LRRK2: variants seen among roughly 807,000 people sequenced by gnomAD.
The protein encoded by LRRK2 is leucine rich repeat kinase 2.
Under a neutral mutation model 302.6 loss-of-function variants are expected in LRRK2, and 203 were observed. The observed-to-expected ratio is 0.67, with a 90% CI of 0.60 to 0.75. LRRK2 has a LOEUF of 0.75. Ranked by LOEUF, LRRK2 falls within the 30% of genes least tolerant of loss-of-function variation. The pLI is 0.00. For synonymous variants in LRRK2, 1,066 were observed against 1,031.9 expected, an observed-to-expected ratio of 1.03 and a Z score of -0.63; for missense variants, 2,830 against 2,951.0, an observed-to-expected ratio of 0.96 and a Z score of 0.95.
chr12:40,320,022 AC>A lies in LRRK2; in HGVS notation c.4865del (p.Pro1622LeufsTer32). ...LTVKVEGCPK[H>X]PKGIISRRDV... ...GTGAAAGTGGAAGGTTGTCCAAAAC[AC>A]CCTAAGGGCATTATTTCGCGTAGAG... On this transcript the variant is annotated frameshift_variant, in exon 34 of 51. Transcript: ENST00000298910. LOFTEE classifies it high-confidence loss of function. The A allele has an allele frequency of 6.2e-7, 1 of 1,610,876 alleles. No homozygotes were observed. The highest frequency in any genetic ancestry group is 8.5e-7 in the Non-Finnish European group (1 of 1,178,300).
At chr12:40,298,799 A>AAT (rs1555185351) in intron 24 of LRRK2, among the ~76,000 whole-genome samples, 2 of 64,804 alleles carry the variant, frequency 3.1e-5, no homozygotes, top group African/African-American at 5.2e-5. Context: ...ATATATATAT[A>AAT]ATATATGTAT....
At position 40,356,152 on chromosome 12, in the gene LRRK2, G is replaced by T; in HGVS notation, c.6808G>T (p.Gly2270Cys). ...TTTTCTTTTGGTTGGAACCGCTGAT[G>T]GCAAGTTAGCAATTTTTGAAGATAA... The part of the protein sequence containing the change: ...KNFLLVGTAD[G>C]KLAIFEDKTV... Residue 2270 changes from glycine (G) to cysteine (C), a missense_variant, in exon 46 of 51, where the codon GGC becomes TGC. Coordinates refer to ENST00000298910, the MANE Select transcript of LRRK2 (RefSeq NM_198578.4). The T allele has an allele frequency of 6.2e-7, 1 of 1,612,312 alleles. No homozygotes were observed. Among genetic ancestry groups the T allele is most frequent in the South Asian group, 1.1e-5 (1 of 90,674 alleles).
At chr12:40,313,632 TAA>T (rs1229252139) in intron 31 of LRRK2, among the ~76,000 whole-genome samples, 2 of 152,184 alleles carry the variant, frequency 1.3e-5, no homozygotes, top group South Asian at 2.1e-4. Context: ...TGTTTCACAT[TAA>T]GTTTAATGTC....
intron 12 of LRRK2, among the ~76,000 whole-genome samples, 180 bp from the exon 13 acceptor site, chr12:40,259,300 A>T (rs1942665859): frequency 6.6e-6 from 1 of 152,194 alleles, no homozygotes; most frequent in African/African-American, 2.4e-5. Flanking sequence ...CTATCTTATG[A>T]GTTCAAAGTT....
At chr12:40,337,199 T>G (rs1274452440) in intron 40 of LRRK2, among the ~76,000 whole-genome samples, 1 of 152,194 alleles carries the variant, frequency 6.6e-6, no homozygotes, top group African/African-American at 2.4e-5. Context: ...CCAAGTATGT[T>G]TCAGCACAGG....
At chr12:40,334,650 T>C (rs1036728276) in intron 39 of LRRK2, among the ~76,000 whole-genome samples, 1 of 152,106 alleles carries the variant, frequency 6.6e-6, no homozygotes, top group Admixed American at 6.5e-5. Flanking sequence ...CATCTTCACA[T>C]TGAGTGGGCT....
In LRRK2 at chr12:40,363,452, A is replaced by G. The variant is rs1946778454; in HGVS notation, c.7079A>G (p.Asp2360Gly). The G allele has an allele frequency of 6.2e-7, 1 of 1,612,036 alleles. No homozygotes were observed. Among genetic ancestry groups the G allele is most frequent in the Non-Finnish European group, 8.5e-7 (1 of 1,178,700 alleles). Residue 2360 changes from aspartate to glycine, a missense_variant, in exon 48 of 51, where the codon GAC becomes GGC. Asp to Gly is a moderately conservative substitution (Grantham distance 94). Around this residue, in one of 3 missense-constraint regions of LRRK2, gnomAD observed 456 missense variants for 456.3 expected, o/e 1.00. Coordinates refer to ENST00000298910, the MANE Select transcript of LRRK2 (RefSeq NM_198578.4). The stretch of plus-strand genomic sequence containing the variant: ...TCCAACATCATAACAGTGGTGGTAG[A>G]CACTGCTCTCTATATTGCTAAGCAA... ...SDSNIITVVV[D>G]TALYIAKQNS... is the part of the protein sequence containing the mutation.
chr12:40,273,036 A>G (rs1352825871), intron 14 of LRRK2, among the ~76,000 whole-genome samples: 2 of 152,178 alleles, frequency 1.3e-5, no homozygotes, highest in Admixed American at 6.6e-5. Flanking sequence ...GGTTTATTCC[A>G]TGGACAGAGC....
intron 18 of LRRK2, among the ~76,000 whole-genome samples, chr12:40,283,132 A>G (rs1415644828): frequency 6.6e-6 from 1 of 152,208 alleles, no homozygotes; most frequent in Non-Finnish European, 1.5e-5. Flanking sequence ...TTGGTCTTCT[A>G]GTTGATAGCT....
intron 33 of LRRK2, among the ~76,000 whole-genome samples, chr12:40,318,436 AT>A (rs1945293464): frequency 6.6e-6 from 1 of 152,112 alleles, no homozygotes; most frequent in Non-Finnish European, 1.5e-5. Flanking sequence ...TGAGGTTAAT[AT>A]GTGCTTTTCA....
intron 22 of LRRK2, 50 bp from the exon 23 acceptor site, chr12:40,295,377 A>G (rs1381172627): frequency 6.4e-7 from 1 of 1,555,178 alleles, no homozygotes; most frequent in East Asian, 2.2e-5. Context: ...TACTACATGA[A>G]TTTAAATTAT....
intron 38 of LRRK2, among the ~76,000 whole-genome samples, chr12:40,327,217 G>A (rs1332349748): frequency 2.0e-5 from 3 of 152,168 alleles, no homozygotes; most frequent in Non-Finnish European, 2.9e-5. Flanking sequence ...ACTCCTTGGG[G>A]ATTGAGATGA....
chr12:40,366,740 T>C, intron 49 of LRRK2: 1 of 396,166 alleles, frequency 2.5e-6, no homozygotes, highest in South Asian at 2.3e-5. Context: ...AATGTATAAA[T>C]ACTGAGCCTA....
At chr12:40,357,714 A>C (rs905180813) in intron 46 of LRRK2, among the ~76,000 whole-genome samples, 2 of 151,942 alleles carry the variant, frequency 1.3e-5, no homozygotes, top group Non-Finnish European at 2.9e-5. Flanking sequence ...ATTTTTTTTC[A>C]TATATCCATT....
intron 30 of LRRK2, among the ~76,000 whole-genome samples, chr12:40,309,955 G>T (rs1331883765): frequency 6.6e-6 from 1 of 152,092 alleles, no homozygotes; most frequent in Non-Finnish European, 1.5e-5. Flanking sequence ...ATAGTACAGT[G>T]GCAGTCATAT....
At chr12:40,261,895 T>C (rs1565690210) in intron 13 of LRRK2, among the ~76,000 whole-genome samples, 2 of 152,200 alleles carry the variant, frequency 1.3e-5, no homozygotes, top group Non-Finnish European at 1.5e-5. Context: ...AATCTATTAC[T>C]GTACTTTTTC....
At position 40,259,480 on chromosome 12, in the gene LRRK2, C is replaced by T; in HGVS notation, c.1419C>T (p.Ser473=). ...CKMLNHLFEG[S]NTSLDIMAAV... is the part of the protein sequence containing the mutation. ...AAGCATGCCAATTTTATATCCCCAG[C>T]AACACTTCCCTGGATATAATGGCAG... Residue 473 remains serine (S), a splice_region_variant and synonymous_variant, in exon 13 of 51, where the codon AGC becomes AGT. Transcript: ENST00000298910. 6.2e-7 allele frequency: 1 copy of T among 1,613,080 alleles called. No individual in the cohort carries two copies. Among genetic ancestry groups the T allele is most frequent in the Middle Eastern group, 1.7e-4 (1 of 6,058 alleles).
At chr12:40,326,966 T>C (rs73275749) in intron 38 of LRRK2, among the ~76,000 whole-genome samples, 2,236 of 152,320 alleles carry the variant, frequency 0.015, 63 homozygotes, top group African/African-American at 0.052. Context: ...ATATGCTCAT[T>C]ATAGACATAT....
chr12:40,333,822 C>T (rs1457128189), intron 39 of LRRK2, among the ~76,000 whole-genome samples: 1 of 151,946 alleles, frequency 6.6e-6, no homozygotes, highest in Admixed American at 6.6e-5. Context: ...GGAGGGATTT[C>T]TAGGGAAAGG....
Sources: gnomAD v4.1 joint callset for allele counts (sites outside exome capture counted in the v4.1 genomes callset) on GRCh38, gnomAD v4.1.1 for gene constraint, gnomAD v4.1.1 regional missense constraint, MANE v1.5 for transcripts, NCBI Gene and HGNC (gene_info 2026-07-23, HGNC 2026-07-21) for gene names.